The following TAOK3 variants were observed in gnomAD, a reference collection of about 807,000 sequenced individuals.
TAOK3 encodes the protein serine/threonine-protein kinase TAO3.
In TAOK3, 40 loss-of-function variants were observed where a neutral mutation model predicts 120.4. The observed-to-expected ratio is 0.33, with a 90% CI of 0.26 to 0.43. The LOEUF (loss-of-function observed/expected upper bound fraction) is 0.43, where lower values mean the gene tolerates loss of function less well. Among genes scored for constraint, TAOK3 ranks in the 20% least tolerant of loss-of-function variants. The probability of loss-of-function intolerance (pLI) is 1.00; values close to 1 mark genes in which losing one functional copy is unlikely to be tolerated. For missense variants in TAOK3, 821 were observed against 1,112.1 expected, an observed-to-expected ratio of 0.74 and a Z score of 3.72; for synonymous variants, 355 against 387.5, an observed-to-expected ratio of 0.92 and a Z score of 0.99.
At chr12:118,266,785 A>G (rs1349652623) in intron 1 of TAOK3, 26 bp from the exon 2 acceptor site, 1 of 394,622 alleles carries the variant, frequency 2.5e-6, no homozygotes, top group Non-Finnish European at 4.5e-6. Flanking sequence ...AACAAAATAC[A>G]TAATTATCAG....
At chr12:118,293,483 C>A (rs1028374517) in intron 1 of TAOK3, among the ~76,000 whole-genome samples, 2 of 150,234 alleles carry the variant, frequency 1.3e-5, no homozygotes, top group African/African-American at 4.9e-5. Context: ...TCGAGACCAG[C>A]CTGACCAACA....
Position 118,246,756 on chromosome 12 carries a change from T to C in TAOK3, c.121-1791A>G. The C allele has an allele frequency of 1.9e-6, 3 of 1,560,646 alleles. No individual in the cohort carries two copies. The South Asian group carries it at 3.3e-5, about 17-fold the overall frequency. ...GGCTGGTATCGATGACTGCTACACCTCAGCCCGGGGCTGCACTGCCACCCT... is the reference window on the plus strand; with the variant it reads ...GGCTGGTATCGATGACTGCTACACCCCAGCCCGGGGCTGCACTGCCACCCT... On this transcript the variant is annotated intron_variant, in intron 3 of 20. Coordinates refer to ENST00000392533, the MANE Select transcript of TAOK3 (RefSeq NM_016281.4).
intron 1 of TAOK3, among the ~76,000 whole-genome samples, chr12:118,311,915 G>C (rs1332216256): frequency 1.3e-5 from 2 of 152,178 alleles, no homozygotes; most frequent in African/African-American, 2.4e-5. Context: ...AGTCAAGAGA[G>C]ATGTGGGGAG....
At chr12:118,226,909 AC>A (rs2039536479) in intron 9 of TAOK3, among the ~76,000 whole-genome samples, 1 of 152,180 alleles carries the variant, frequency 6.6e-6, no homozygotes, top group Admixed American at 6.6e-5. Flanking sequence ...TCCAATGTCA[AC>A]TGCTGTTGAC....
At chr12:118,354,836 G>A (rs1254603524) in intron 1 of TAOK3, among the ~76,000 whole-genome samples, 1 of 152,106 alleles carries the variant, frequency 6.6e-6, no homozygotes, top group African/African-American at 2.4e-5. Flanking sequence ...GTGGAACTGT[G>A]AGTCCATTAA....
chr12:118,321,287 G>T (rs897410788), intron 1 of TAOK3, among the ~76,000 whole-genome samples: 2 of 151,898 alleles, frequency 1.3e-5, no homozygotes, highest in African/African-American at 4.8e-5. Flanking sequence ...TTCAGACAGG[G>T]TCTCACTCTG....
At chr12:118,188,232 T>A (rs2037194681) in intron 14 of TAOK3, among the ~76,000 whole-genome samples, 1 of 152,190 alleles carries the variant, frequency 6.6e-6, no homozygotes. Context: ...TGGATAAAGG[T>A]CCAAGTCTCA....
chr12:118,301,620 C>G (rs994858593), intron 1 of TAOK3, among the ~76,000 whole-genome samples: 1 of 151,960 alleles, frequency 6.6e-6, no homozygotes, highest in Non-Finnish European at 1.5e-5. Flanking sequence ...CCGAGGCAGG[C>G]GGATCACGAG....
chr12:118,208,145 T>C (rs2038434285), intron 11 of TAOK3, among the ~76,000 whole-genome samples: 1 of 152,224 alleles, frequency 6.6e-6, no homozygotes, highest in South Asian at 2.1e-4. Context: ...ATTTTTACAT[T>C]GCAAATGTTT....
intron 3 of TAOK3, among the ~76,000 whole-genome samples, chr12:118,249,678 A>T (rs1000492148): frequency 1.3e-5 from 2 of 151,948 alleles, no homozygotes. Flanking sequence ...TAAAACCAAA[A>T]TTAGCTGGGT....
chr12:118,277,308 A>G (rs1385322349), intron 1 of TAOK3, among the ~76,000 whole-genome samples: 2 of 152,126 alleles, frequency 1.3e-5, no homozygotes, highest in Admixed American at 6.6e-5. Flanking sequence ...ACAGTTACAC[A>G]TTAATTCCAC....
chr12:118,203,769 G>A (rs1178180432), intron 11 of TAOK3, among the ~76,000 whole-genome samples: 2 of 151,630 alleles, frequency 1.3e-5, no homozygotes, highest in African/African-American at 4.8e-5. Context: ...GTTACCACCT[G>A]TTGTAAAAAG....
chr12:118,242,476 T>C (rs577499877), intron 5 of TAOK3, among the ~76,000 whole-genome samples: 2 of 152,326 alleles, frequency 1.3e-5, no homozygotes, highest in South Asian at 4.1e-4. Context: ...TAAGTAGGAA[T>C]GTGCAATTTG....
At chr12:118,182,579 A>ATGTG (rs34798699) in intron 14 of TAOK3, among the ~76,000 whole-genome samples, 73 of 120,978 alleles carry the variant, frequency 6.0e-4, no homozygotes, top group Middle Eastern at 9.7e-3. Flanking sequence ...TGTTTTGTAT[A>ATGTG]TGTGTGTGTG....
intron 15 of TAOK3, among the ~76,000 whole-genome samples, chr12:118,180,290 G>C (rs1200453497): frequency 6.6e-6 from 1 of 150,960 alleles, no homozygotes; most frequent in Non-Finnish European, 1.5e-5. Context: ...ACCCAGGCTA[G>C]AGTGCAGTGA....
At chr12:118,166,253 A>C (rs1383477324) in intron 17 of TAOK3, among the ~76,000 whole-genome samples, 1 of 152,088 alleles carries the variant, frequency 6.6e-6, no homozygotes, top group Non-Finnish European at 1.5e-5. Context: ...GTTCCAATAA[A>C]TGAGGCCAGA....
At chr12:118,263,335 A>G (rs1268686354) in intron 2 of TAOK3, among the ~76,000 whole-genome samples, 1 of 152,196 alleles carries the variant, frequency 6.6e-6, no homozygotes, top group East Asian at 1.9e-4. Context: ...CTGTGTAAAA[A>G]CTGACTCCAA....
chr12:118,334,851 G>C (rs923420984), intron 1 of TAOK3, among the ~76,000 whole-genome samples: 1 of 151,228 alleles, frequency 6.6e-6, no homozygotes, highest in South Asian at 2.1e-4. Context: ...ACTCCAGCTT[G>C]GGGCTTGGGT....
intron 9 of TAOK3, among the ~76,000 whole-genome samples, chr12:118,220,515 A>C (rs752742020): frequency 6.6e-6 from 1 of 151,824 alleles, no homozygotes; most frequent in Non-Finnish European, 1.5e-5. Flanking sequence ...AAGGACCAGA[A>C]CCCTCCCACT....
Sources: gnomAD v4.1 joint callset for allele counts (sites outside exome capture counted in the v4.1 genomes callset) on GRCh38, gnomAD v4.1.1 for gene constraint, MANE v1.5 for transcripts, NCBI Gene and HGNC (gene_info 2026-07-23, HGNC 2026-07-21) for gene names.